C1orf21: variants seen among roughly 807,000 people sequenced by gnomAD.
C1orf21 encodes chromosome 1 open reading frame 21.
C1orf21 carries 3 observed loss-of-function variants against 18.7 expected under a neutral mutation model. That is an observed-to-expected ratio of 0.16 (90% CI 0.07 to 0.42). C1orf21 has a LOEUF of 0.42. C1orf21 is among the 10% of genes least tolerant of loss of function. The pLI is 0.99. For missense variants in C1orf21, 104 were observed against 143.6 expected, an observed-to-expected ratio of 0.72 and a Z score of 1.41; for synonymous variants, 41 against 46.4, an observed-to-expected ratio of 0.88 and a Z score of 0.47.
At chr1:184,532,623 T>A (rs73046716) in intron 3 of C1orf21, among the ~76,000 whole-genome samples, 3,506 of 152,212 alleles carry the variant, frequency 0.023, 133 homozygotes, top group African/African-American at 0.08. Context: ...GGCATACAGT[T>A]ATAGTCCCAG....
At chr1:184,471,362 T>A (rs1473605359) in intron 1 of C1orf21, among the ~76,000 whole-genome samples, 2 of 152,164 alleles carry the variant, frequency 1.3e-5, no homozygotes, top group Non-Finnish European at 2.9e-5. Context: ...CTCCTGAAAA[T>A]TTTGAGGTTT....
Position 184,487,345 on chromosome 1 carries a change from G to A in C1orf21, c.94+9742G>A, listed in dbSNP as rs149956524. On this transcript the variant is annotated intron_variant, in intron 2 of 5. Coordinates refer to ENST00000235307, the MANE Select transcript of C1orf21 (RefSeq NM_030806.4). ...AACTTTACATGTGACTGGTTATTTT[G>A]CCCCTGAACCGTTACAACTTGGATT... 2.7e-3 allele frequency among the ~76,000 whole-genome samples: 406 copies of A among 152,240 alleles called. 1 individual carries two copies. The highest frequency in any genetic ancestry group is 9.3e-3 in the African/African-American group (388 of 41,546).
At chr1:184,513,350 T>C (rs548633915) in intron 3 of C1orf21, among the ~76,000 whole-genome samples, 1 of 152,348 alleles carries the variant, frequency 6.6e-6, no homozygotes, top group Admixed American at 6.5e-5. Context: ...AGGAAACTTT[T>C]ATGATAAATA....
intron 1 of C1orf21, among the ~76,000 whole-genome samples, chr1:184,410,661 A>ATCTTTTT (rs1324215272): frequency 1.6e-4 from 1 of 6,148 alleles, no homozygotes; most frequent in Non-Finnish European, 2.4e-4. Context: ...ATATATATAT[A>ATCTTTTT]TATTTTTTTT....
chr1:184,512,364 G>A (rs1301176404), intron 3 of C1orf21, among the ~76,000 whole-genome samples: 1 of 152,168 alleles, frequency 6.6e-6, no homozygotes, highest in Non-Finnish European at 1.5e-5. Flanking sequence ...GCACCTAAGA[G>A]TTCATAGCAC....
chr1:184,564,360 G>A (rs1371894562), intron 3 of C1orf21, among the ~76,000 whole-genome samples: 1 of 152,252 alleles, frequency 6.6e-6, no homozygotes, highest in African/African-American at 2.4e-5. Context: ...CCAGGCTGGA[G>A]AGCAATGGCG....
At chr1:184,614,322 C>G (rs1411612505) in intron 5 of C1orf21, among the ~76,000 whole-genome samples, 1 of 152,208 alleles carries the variant, frequency 6.6e-6, no homozygotes, top group African/African-American at 2.4e-5. Context: ...GATGGAGAAA[C>G]AGATTCAACA....
At position 184,387,707 on chromosome 1, in the gene C1orf21, TC is replaced by T. The variant is rs1467628161; in HGVS notation, c.-125+342del. Among the ~76,000 whole-genome samples the T allele has an allele frequency of 1.3e-5, 2 of 151,542 alleles. No homozygotes were observed. The highest frequency in any genetic ancestry group is 2.9e-5 in the Non-Finnish European group (2 of 67,812). ...CTGGGTGGCTGGTGTTAGACACCCC[TC>T]CCTTCCCACCCGCACCCTGCCGCCC... is the stretch of plus-strand genomic sequence containing the variant. On this transcript the variant is annotated intron_variant, in intron 1 of 5. Transcript: ENST00000235307. This position sits in a 1 kb window ranked among gnomAD's most constrained non-coding sequence, Gnocchi z 5.6.
intron 1 of C1orf21, among the ~76,000 whole-genome samples, chr1:184,428,866 G>T (rs1656687069): frequency 6.6e-6 from 1 of 152,144 alleles, no homozygotes; most frequent in Admixed American, 6.5e-5. Context: ...AATGCAGGGA[G>T]TGATGACATC....
At chr1:184,460,715 T>G (rs1657295853) in intron 1 of C1orf21, among the ~76,000 whole-genome samples, 8 of 144,064 alleles carry the variant, frequency 5.6e-5, no homozygotes, top group Admixed American at 5.5e-4. Flanking sequence ...TCTTCTTCCT[T>G]TTTTTTTTTT....
At chr1:184,615,437 G>T (rs541505998) in intron 5 of C1orf21, among the ~76,000 whole-genome samples, 1 of 152,184 alleles carries the variant, frequency 6.6e-6, no homozygotes, top group Non-Finnish European at 1.5e-5. Flanking sequence ...GCAGCTTTCA[G>T]TGTGTCCTTT....
chr1:184,575,845 G>A (rs1403554170), intron 3 of C1orf21, among the ~76,000 whole-genome samples: 1 of 152,000 alleles, frequency 6.6e-6, no homozygotes, highest in African/African-American at 2.4e-5. Flanking sequence ...CTAAAGCTAG[G>A]CTAACCAGTG....
intron 1 of C1orf21, among the ~76,000 whole-genome samples, chr1:184,409,393 C>T (rs1300854617): frequency 1.3e-5 from 2 of 151,908 alleles, no homozygotes; most frequent in African/African-American, 2.4e-5. Context: ...ATGTGGGCTG[C>T]GGGTAGGGGG....
chr1:184,411,948 A>G (rs1656362382), intron 1 of C1orf21: 2 of 152,194 alleles, frequency 1.3e-5, no homozygotes, highest in Admixed American at 1.3e-4. Flanking sequence ...TTTATTGCCT[A>G]ATAAAATCTT....
Position 184,477,541 on chromosome 1 carries a change from C to T in C1orf21, c.32C>T (p.Thr11Ile), listed in dbSNP as rs1441671410. 1.2e-6 allele frequency: 2 copies of T among 1,614,016 alleles called. No individual in the cohort carries two copies. The highest frequency in any genetic ancestry group is 2.2e-5 in the South Asian group (2 of 91,076). Reference protein sequence around the residue: MGCASAKHVATVQNEEEAQKG... With the variant: MGCASAKHVAIVQNEEEAQKG... Reference sequence around the variant, plus strand: ...TGTGCCTCCGCCAAGCATGTTGCCACTGTTCAAAATGAAGAGGAAGCCCAG... The same window carrying T: ...TGTGCCTCCGCCAAGCATGTTGCCATTGTTCAAAATGAAGAGGAAGCCCAG... Residue 11 changes from threonine (T) to isoleucine (I), a missense_variant, in exon 2 of 6, where the codon ACT becomes ATT. By Grantham distance (89) the Thr-to-Ile change is moderately conservative. Transcript: ENST00000235307.
At chr1:184,583,470 T>TA (rs1216284290) in intron 3 of C1orf21, among the ~76,000 whole-genome samples, 1 of 152,150 alleles carries the variant, frequency 6.6e-6, no homozygotes, top group Non-Finnish European at 1.5e-5. Context: ...ATATTAATAA[T>TA]AAAAAAAGTT....
At chr1:184,567,480 A>T in intron 3 of C1orf21, 1 of 540,248 alleles carries the variant, frequency 1.9e-6, no homozygotes, top group Non-Finnish European at 3.8e-6. Flanking sequence ...GAGATGCTGT[A>T]TTGGATTGTA....
intron 3 of C1orf21, among the ~76,000 whole-genome samples, chr1:184,555,981 C>T (rs1658873240): frequency 6.6e-6 from 1 of 152,136 alleles, no homozygotes; most frequent in Admixed American, 6.5e-5. Context: ...TTTACCATTT[C>T]CCTTCTTCTT....
intron 3 of C1orf21, among the ~76,000 whole-genome samples, chr1:184,556,221 G>T (rs1658877454): frequency 1.3e-5 from 2 of 152,178 alleles, no homozygotes; most frequent in Admixed American, 6.5e-5. Flanking sequence ...TGTGGGGTGG[G>T]TCAGTAGCAG....
Sources: gnomAD v4.1 joint callset for allele counts (sites outside exome capture counted in the v4.1 genomes callset) on GRCh38, gnomAD v4.1.1 for gene constraint, Gnocchi (gnomAD v3.1) non-coding constraint, MANE v1.5 for transcripts, NCBI Gene and HGNC (gene_info 2026-07-23, HGNC 2026-07-21) for gene names.